POLR2F: variants seen among roughly 807,000 people sequenced by gnomAD.
POLR2F encodes RNA polymerase II, I and III subunit F.
Under a neutral mutation model 22.7 loss-of-function variants are expected in POLR2F, and 12 were observed. The ratio of observed to expected loss-of-function variants is 0.53; its 90% CI spans 0.34 to 0.86. POLR2F has a LOEUF of 0.86. Among genes scored for constraint, POLR2F ranks in the 40% least tolerant of loss-of-function variants. The probability of loss-of-function intolerance (pLI) is 0.02; values close to 1 mark genes in which losing one functional copy is unlikely to be tolerated. For synonymous variants in POLR2F, 57 were observed against 66.0 expected (o/e 0.86, Z 0.66); for missense variants, 126 against 171.5 (o/e 0.73, Z 1.48).
chr22:37,959,495 A>C lies in POLR2F; in HGVS notation c.221+19A>C. 5 of 1,612,294 alleles carry C rather than the reference A, an allele frequency of 3.1e-6. No individual in the cohort carries two copies. Among genetic ancestry groups the C allele is most frequent in the Non-Finnish European group, 4.2e-6 (5 of 1,179,504 alleles). ...AGATTGCGTGAGTGATTGCCCCTTC[A>C]CTGTCTTCTCCATCTGTCAGGCCAC... On this transcript the variant is annotated intron_variant, in intron 3 of 4. Transcript: ENST00000442738.
At chr22:37,959,532 G>A (rs1931541621) in intron 3 of POLR2F, 56 bp downstream of exon 3, 1 of 1,577,808 alleles carries the variant, frequency 6.3e-7, no homozygotes, top group African/African-American at 1.3e-5. Flanking sequence ...GTAAGCTCTT[G>A]TACCGCTGAT....
chr22:37,987,958 T>A (rs905007384), intron 1 of POLR2F: 3 of 152,658 alleles, frequency 2.0e-5, no homozygotes, highest in African/African-American at 7.2e-5. Context: ...AGGTTCTGCA[T>A]TTCTAATCAG....
At chr22:38,007,667 C>T (rs1452776543) in intron 1 of POLR2F, among the ~76,000 whole-genome samples, 1 of 152,190 alleles carries the variant, frequency 6.6e-6, no homozygotes, top group African/African-American at 2.4e-5. Flanking sequence ...CTTCCCGAGT[C>T]CCCCAGGGCC....
At chr22:38,034,533 C>T (rs534745584) in intron 5 of POLR2F, among the ~76,000 whole-genome samples, 10 of 152,264 alleles carry the variant, frequency 6.6e-5, no homozygotes, top group African/African-American at 2.4e-4. Context: ...GGGCGGGGTG[C>T]GGAGGCAGCC....
At chr22:38,000,498 T>G (rs2084759425) in intron 1 of POLR2F, among the ~76,000 whole-genome samples, 1 of 152,182 alleles carries the variant, frequency 6.6e-6, no homozygotes, top group Non-Finnish European at 1.5e-5. Flanking sequence ...TTTTGCAAAC[T>G]AAAGTGCTTT....
At chr22:38,020,892 C>A (rs2084955637) in intron 1 of POLR2F, among the ~76,000 whole-genome samples, 1 of 152,170 alleles carries the variant, frequency 6.6e-6, no homozygotes, top group Non-Finnish European at 1.5e-5. Context: ...CACTTACTTG[C>A]AATCAGGGTC....
rs534786640 is a variant in POLR2F at position 37,974,848 on chromosome 22, C to A, written c.293+7678C>A. ...GCGCTCTGCCAGCCCCGCTTCCACA[C>A]CCATGCCTACTGTCTTCCTTGCTGA... On this transcript the variant is annotated intron_variant, in intron 4 of 4. Transcript: ENST00000405557. The surrounding 1 kb of genome is among the most constrained non-coding windows in gnomAD (Gnocchi z 5.4). Among the ~76,000 whole-genome samples the A allele has an allele frequency of 3.9e-5, 6 of 152,364 alleles. No homozygotes were observed. The highest frequency in any genetic ancestry group is 6.5e-5 in the Admixed American group (1 of 15,298).
chr22:38,037,843 G>A (rs2085131594), intron 5 of POLR2F, among the ~76,000 whole-genome samples: 1 of 152,054 alleles, frequency 6.6e-6, no homozygotes, highest in African/African-American at 2.4e-5. Flanking sequence ...CACCCACCTC[G>A]GCCTCCCAAC....
intron 1 of POLR2F, among the ~76,000 whole-genome samples, chr22:38,022,327 G>A (rs911763421): frequency 8.6e-5 from 13 of 150,432 alleles, no homozygotes; most frequent in Admixed American, 6.0e-4. Context: ...CGAGGCGGGC[G>A]GATCACCTGA....
downstream of POLR2F, among the ~76,000 whole-genome samples, chr22:37,969,556 T>A (rs1283582520): frequency 6.6e-6 from 1 of 152,134 alleles, no homozygotes; most frequent in Admixed American, 6.5e-5. Flanking sequence ...GGTGATAGTG[T>A]CATCTTCCGG....
downstream of POLR2F, chr22:37,974,007 A>G (rs1470184775): frequency 3.7e-6 from 6 of 1,613,644 alleles, no homozygotes; most frequent in African/African-American, 1.3e-5. The surrounding 1 kb of genome is among the most constrained non-coding windows in gnomAD (Gnocchi z 5.4). Flanking sequence ...TACTGGTCCA[A>G]CTCAGCCACA....
At chr22:38,000,692 C>T (rs1211356047) in intron 1 of POLR2F, among the ~76,000 whole-genome samples, 2 of 152,200 alleles carry the variant, frequency 1.3e-5, no homozygotes, top group African/African-American at 4.8e-5. Flanking sequence ...CCAGGGCTCC[C>T]TGCCTGGCTT....
At position 38,006,851 on chromosome 22, in the gene POLR2F, C is replaced by G. The variant is rs146308581; in HGVS notation, c.121-19018C>G. 2.3e-3 allele frequency among the ~76,000 whole-genome samples: 348 copies of G among 152,314 alleles called. 1 individual carries two copies. Among genetic ancestry groups the G allele is most frequent in the African/African-American group, 8.1e-3 (335 of 41,568 alleles). ...TCTGCATGGTGGGGATCCTGGGGTCCTCCTGCCTCACCCAACAGAGGTCTG... is the reference window on the plus strand; with the variant it reads ...TCTGCATGGTGGGGATCCTGGGGTCGTCCTGCCTCACCCAACAGAGGTCTG... On this transcript the variant is annotated intron_variant, in intron 1 of 2. Coordinates refer to the POLR2F transcript ENST00000333418.
intron 5 of POLR2F, among the ~76,000 whole-genome samples, chr22:38,039,224 C>T (rs1160293991): frequency 6.6e-6 from 1 of 152,222 alleles, no homozygotes; most frequent in East Asian, 1.9e-4. Context: ...GGGCTGTCTC[C>T]CGAGACAAAG....
intron 1 of POLR2F, among the ~76,000 whole-genome samples, chr22:38,022,970 C>T (rs573611889): frequency 3.3e-5 from 5 of 152,218 alleles, no homozygotes; most frequent in Non-Finnish European, 7.3e-5. Context: ...AAGATCGTGC[C>T]ATTGCACTCC....
intron 1 of POLR2F, among the ~76,000 whole-genome samples, chr22:38,010,013 C>A (rs2084857278): frequency 6.6e-6 from 1 of 152,168 alleles, no homozygotes; most frequent in Non-Finnish European, 1.5e-5. Flanking sequence ...CATATGCTTT[C>A]ATTTCTTGTA....
intron 3 of POLR2F, among the ~76,000 whole-genome samples, chr22:37,962,669 C>T (rs1012401031): frequency 3.3e-5 from 5 of 152,180 alleles, no homozygotes; most frequent in African/African-American, 1.2e-4. Flanking sequence ...ACTAGCCAGC[C>T]ACACTTCTTT....
Position 37,977,990 on chromosome 22 carries a change from C to T in POLR2F, c.293+10820C>T, listed in dbSNP as rs200475773. ...GTCCCACCTTGCTCGGCCTCCCCAC[C>T]GGGGCACTCCGCCTCGCCCTGGGCG... On this transcript the variant is annotated intron_variant, in intron 4 of 4. Coordinates refer to the POLR2F transcript ENST00000405557. 252 of 1,611,866 alleles carry T rather than the reference C, an allele frequency of 1.6e-4. 1 individual carries two copies. Among genetic ancestry groups the T allele is most frequent in the Non-Finnish European group, 1.9e-4 (225 of 1,179,848 alleles).
intron 1 of POLR2F, among the ~76,000 whole-genome samples, chr22:38,018,811 C>T (rs1419797238): frequency 6.6e-6 from 1 of 152,190 alleles, no homozygotes; most frequent in East Asian, 1.9e-4. Flanking sequence ...AGGGTGTCCT[C>T]TCTCCAGGCA....
Sources: allele counts gnomAD v4.1 joint callset (sites outside exome capture counted in the v4.1 genomes callset), GRCh38; gene constraint gnomAD v4.1.1; non-coding constraint Gnocchi (gnomAD v3.1); transcripts MANE v1.5; gene names NCBI Gene and HGNC (gene_info 2026-07-23, HGNC 2026-07-21).